The following SP110 variants were observed in gnomAD, a reference collection of about 807,000 sequenced individuals.
SP110 encodes interferon-induced protein 41, 30kD.
SP110 carries 62 observed loss-of-function variants against 92.7 expected under a neutral mutation model. That is an observed-to-expected ratio of 0.67 (90% confidence interval 0.55 to 0.83). SP110 has a LOEUF of 0.83. Among genes scored for constraint, SP110 ranks in the 40% least tolerant of loss-of-function variants. The probability of loss-of-function intolerance (pLI) is 0.00; values close to 1 mark genes in which losing one functional copy is unlikely to be tolerated. For missense variants in SP110, 793 were observed against 863.9 expected (o/e 0.92, Z 1.03); for synonymous variants, 273 against 305.3 (o/e 0.89, Z 1.10).
rs183140086 is a variant in SP110 at position 230,195,921 on chromosome 2, G to A, written c.1129+4964C>T. 4.9e-4 allele frequency among the ~76,000 whole-genome samples: 75 copies of A among 151,988 alleles called. 1 individual carries two copies. The East Asian group carries it at 0.014, about 29-fold the overall frequency. On this transcript the variant is annotated intron_variant, in intron 10 of 18. Coordinates refer to ENST00000258381, the MANE Select transcript of SP110 (RefSeq NM_080424.4). Reference sequence around the variant, plus strand: ...AAAGCAAAAGATGAATGGTAATCTAGGAAAATAAGCAAAAAATATAAGTTA... The same window carrying A: ...AAAGCAAAAGATGAATGGTAATCTAAGAAAATAAGCAAAAAATATAAGTTA...
At chr2:230,185,355 G>C (rs905534837) in intron 11 of SP110, among the ~76,000 whole-genome samples, 2 of 152,170 alleles carry the variant, frequency 1.3e-5, no homozygotes, top group African/African-American at 4.8e-5. Flanking sequence ...CTGGAGAACC[G>C]TAATACAAGC....
At chr2:230,210,116 G>A (rs2044302664) in intron 6 of SP110, 108 bp from the exon 7 acceptor site, 2 of 784,820 alleles carry the variant, frequency 2.5e-6, no homozygotes, top group Non-Finnish European at 4.6e-6. Flanking sequence ...GCAGCCCAGG[G>A]CCGGGAATCT....
chr2:230,195,973 G>A (rs2042854197), intron 10 of SP110, among the ~76,000 whole-genome samples: 1 of 152,010 alleles, frequency 6.6e-6, no homozygotes. Flanking sequence ...AAATGAAGAT[G>A]ACAAATTTAT....
chr2:230,221,789 T>A, upstream of SP110: 1 of 1,409,820 alleles, frequency 7.1e-7, no homozygotes, highest in Non-Finnish European at 9.7e-7. Context: ...TTAGATCTAT[T>A]CAGAGATACA....
At chr2:230,196,885 T>C (rs1265992374) in intron 10 of SP110, among the ~76,000 whole-genome samples, 1 of 152,366 alleles carries the variant, frequency 6.6e-6, no homozygotes, top group Non-Finnish European at 1.5e-5. Context: ...TCATTTTTTA[T>C]GGCTGCATAG....
intron 12 of SP110, among the ~76,000 whole-genome samples, chr2:230,182,144 A>T (rs2042155353): frequency 1.3e-5 from 2 of 152,362 alleles, no homozygotes; most frequent in South Asian, 4.1e-4. Flanking sequence ...GAACAAGGTC[A>T]TGTCCTTTGC....
chr2:230,225,319 C>T (rs2046192251), intron 1 of SP110, among the ~76,000 whole-genome samples: 1 of 152,172 alleles, frequency 6.6e-6, no homozygotes, highest in African/African-American at 2.4e-5. Flanking sequence ...AAGAGCATCT[C>T]CCCCACTTTC....
At chr2:230,180,816 G>T (rs902242213) in intron 12 of SP110, among the ~76,000 whole-genome samples, 2 of 152,156 alleles carry the variant, frequency 1.3e-5, no homozygotes, top group African/African-American at 4.8e-5. Flanking sequence ...GTTTGCCGGG[G>T]CTCCTGCCTC....
intron 10 of SP110, among the ~76,000 whole-genome samples, chr2:230,193,502 G>A (rs750927136): frequency 6.6e-6 from 1 of 152,266 alleles, no homozygotes; most frequent in African/African-American, 2.4e-5. Flanking sequence ...TCAATCTTTC[G>A]TTTCAAGAGT....
chr2:230,206,595 T>TTTTATATATATA (rs1317441117), intron 8 of SP110, among the ~76,000 whole-genome samples: 1 of 70,530 alleles, frequency 1.4e-5, no homozygotes, highest in African/African-American at 4.8e-5. Context: ...GGTCCAGATT[T>TTTTATATATATA]TATATATATA....
chr2:230,185,945 C>G, intron 11 of SP110, 49 bp downstream of exon 11: 1 of 1,532,190 alleles, frequency 6.5e-7, no homozygotes, highest in Non-Finnish European at 9.0e-7. Context: ...CTCCAAGAGG[C>G]CCTCCTACAT....
intron 9 of SP110, 35 bp downstream of exon 9, chr2:230,202,544 G>C (rs757296584): frequency 1.2e-6 from 2 of 1,609,264 alleles, no homozygotes; most frequent in Non-Finnish European, 1.7e-6. Context: ...CCCACACTGA[G>C]CCATTCAAAT....
At chr2:230,187,182 A>G (rs1180128876) in intron 10 of SP110, among the ~76,000 whole-genome samples, 2 of 152,088 alleles carry the variant, frequency 1.3e-5, no homozygotes, top group Non-Finnish European at 2.9e-5. Flanking sequence ...TTGACTTCTT[A>G]ATAATGGCCA....
intron 11 of SP110, among the ~76,000 whole-genome samples, chr2:230,183,945 G>A (rs1978581): frequency 0.79 from 120,070 of 151,744 alleles, 47,602 homozygotes; most frequent in Admixed American, 0.84. Flanking sequence ...CACACGGCAT[G>A]TATTTCAAGC....
At chr2:230,171,956 A>C in intron 16 of SP110, 110 bp downstream of exon 16, 1 of 850,618 alleles carries the variant, frequency 1.2e-6, no homozygotes, top group Non-Finnish European at 2.1e-6. Context: ...GTCATCCTTT[A>C]AAGGGAGACA....
intron 10 of SP110, among the ~76,000 whole-genome samples, chr2:230,195,363 C>T (rs2042823740): frequency 6.6e-6 from 1 of 152,158 alleles, no homozygotes; most frequent in Non-Finnish European, 1.5e-5. Flanking sequence ...GGGACAGAGT[C>T]TTGTTCTGTT....
chr2:230,194,873 T>C (rs1442859947), intron 10 of SP110, among the ~76,000 whole-genome samples: 1 of 152,190 alleles, frequency 6.6e-6, no homozygotes, highest in Non-Finnish European at 1.5e-5. Context: ...CAAGTTGGTG[T>C]TAGGTTTGCT....
In SP110 at chr2:230,208,020, C is replaced by A. The variant is rs760656296; in HGVS notation, c.869G>T (p.Arg290Met). 6.4e-7 allele frequency: 1 copy of A among 1,567,492 alleles called. No individual in the cohort carries two copies. Among genetic ancestry groups the A allele is most frequent in the Non-Finnish European group, 8.8e-7 (1 of 1,139,896 alleles). The change falls in exon 8 of 19, where the codon AGG becomes ATG. Residue 290 changes from arginine to methionine, a missense_variant. Transcript: ENST00000258381. ...RKRCIWSTPKRRHKKKSLPGG... is the reference protein window; with the variant it reads ...RKRCIWSTPKMRHKKKSLPGG... ...TGGGAGGCTTTTTTTCTTATGTCTC[C>A]TTTTTGGAGTTGACCAGATACATCT...
intron 10 of SP110, 169 bp downstream of exon 10, chr2:230,200,716 T>A: frequency 3.1e-6 from 2 of 650,720 alleles, no homozygotes. Flanking sequence ...ATATTTGTAG[T>A]AGTAAATATC....
Sources: gnomAD v4.1 joint callset for allele counts (sites outside exome capture counted in the v4.1 genomes callset) on GRCh38, gnomAD v4.1.1 for gene constraint, MANE v1.5 for transcripts, NCBI Gene and HGNC (gene_info 2026-07-23, HGNC 2026-07-21) for gene names.